The following CYP4F22 variants were observed in gnomAD, a reference collection of about 807,000 sequenced individuals.
The protein encoded by CYP4F22 is cytochrome P450 family 4 subfamily F member 22.
CYP4F22 carries 37 observed loss-of-function variants against 60.4 expected under a neutral mutation model. The ratio of observed to expected loss-of-function variants is 0.61; its 90% CI spans 0.47 to 0.81. The LOEUF is 0.81. CYP4F22 is among the 30% of genes least tolerant of loss of function. The pLI is 0.00. For missense variants in CYP4F22, 655 were observed against 715.0 expected, an observed-to-expected ratio of 0.92 and a Z score of 0.96; for synonymous variants, 258 against 280.5, an observed-to-expected ratio of 0.92 and a Z score of 0.80.
chr19:15,510,966 A>ATATATAT (rs34055543), intron 1 of CYP4F22, among the ~76,000 whole-genome samples: 7 of 103,336 alleles, frequency 6.8e-5, no homozygotes, highest in African/African-American at 1.8e-4. Flanking sequence ...ATATATATAT[A>ATATATAT]TTTTTTTTTT....
chr19:15,546,795 CTGGAGTACAG>C (rs1251018329), intron 10 of CYP4F22, among the ~76,000 whole-genome samples: 1 of 151,794 alleles, frequency 6.6e-6, no homozygotes, highest in Non-Finnish European at 1.5e-5. Flanking sequence ...GTGGCCCAGG[CTGGAGTACAG>C]TGGCATGATC....
In CYP4F22 at chr19:15,529,868, C is replaced by T; in HGVS notation, c.367+15C>T. 1 of 1,613,730 alleles carries T rather than the reference C, an allele frequency of 6.2e-7. No homozygotes were observed. The highest frequency in any genetic ancestry group is 8.5e-7 in the Non-Finnish European group (1 of 1,180,014). On this transcript the variant is annotated intron_variant, in intron 4 of 13. Transcript: ENST00000269703. ...GGGAGCCTCAGGTACGTGGGCTGGG[C>T]CTCCGATCTATGGTTGAGTCCTCAA...
At chr19:15,522,147 G>GAA (rs5827288) in intron 1 of CYP4F22, among the ~76,000 whole-genome samples, 14 of 82,866 alleles carry the variant, frequency 1.7e-4, no homozygotes, top group African/African-American at 3.8e-4. Context: ...CTTTGTCTCA[G>GAA]AAAAAAAAAA....
Position 15,551,235 on chromosome 19 carries a change from C to G in CYP4F22, c.1419-59C>G, listed in dbSNP as rs142624481. On this transcript the variant is annotated intron_variant, in intron 13 of 13. Coordinates refer to ENST00000269703, the MANE Select transcript of CYP4F22 (RefSeq NM_173483.4). ...TTCATTTTCAAAGGAGGCATGTGAC[C>G]CCCGGGGACCAGTGCTCACACAGAA... is the stretch of plus-strand genomic sequence containing the variant. 1.9e-3 allele frequency: 3,055 copies of G among 1,574,450 alleles called. 54 individuals are homozygous for G. The African/African-American group carries it at 0.037, about 19-fold the overall frequency.
chr19:15,526,104 G>T (rs1484423776), intron 3 of CYP4F22, among the ~76,000 whole-genome samples: 3 of 152,132 alleles, frequency 2.0e-5, no homozygotes, highest in African/African-American at 7.2e-5. Context: ...GTTTGAGGCT[G>T]CAGTGAGCTA....
intron 10 of CYP4F22, among the ~76,000 whole-genome samples, chr19:15,545,330 G>A (rs1209530491): frequency 1.3e-5 from 2 of 152,038 alleles, no homozygotes; most frequent in African/African-American, 4.8e-5. Context: ...GCTATGTAGA[G>A]CTGATTCTGG....
chr19:15,549,130 C>A lies in CYP4F22; in HGVS notation c.1271-8C>A. 1.9e-6 allele frequency: 3 copies of A among 1,614,014 alleles called. No individual in the cohort carries two copies. The highest frequency in any genetic ancestry group is 1.1e-5 in the South Asian group (1 of 91,086). ...CCTTGGCCCCACTGATCCCATCTTT[C>A]CCCACAGGAATCATCTGCTTGGTCA... On this transcript the variant is annotated splice_region_variant and splice_polypyrimidine_tract_variant and intron_variant, in intron 11 of 13. Transcript: ENST00000269703.
intron 1 of CYP4F22, among the ~76,000 whole-genome samples, chr19:15,509,890 TTCCTTCCTTCCTTC>T (rs1419433557): frequency 5.1e-5 from 6 of 117,988 alleles, no homozygotes; most frequent in African/African-American, 8.8e-5. Context: ...CCTTCCTTCC[TTCCTTCCTTCCTTC>T]CTTTCTTTCT....
rs185218314 is a variant in CYP4F22 at position 15,536,383 on chromosome 19, T to C, written c.368-978T>C. ...GTTATGTGGTGTTAGTTCTGTGACG[T>C]CGAATAGGGGGTGGAAGACAGAGGT... On this transcript the variant is annotated intron_variant, in intron 4 of 13. Transcript: ENST00000269703. Among the ~76,000 whole-genome samples, 25 of 152,088 alleles carry C rather than the reference T, an allele frequency of 1.6e-4. No homozygotes were observed. In the East Asian group the frequency reaches 4.8e-3, roughly 29 times the overall value.
chr19:15,544,390 T>C (rs1971499297), intron 10 of CYP4F22, 111 bp downstream of exon 10: 3 of 1,331,154 alleles, frequency 2.3e-6, no homozygotes, highest in Admixed American at 4.1e-5. Flanking sequence ...CCACTTTAGC[T>C]TCCTGAATTG....
chr19:15,550,705 ACC>A lies in CYP4F22; in HGVS notation c.1369_1370del (p.Pro457ThrfsTer122). On this transcript the variant is annotated frameshift_variant, in exon 13 of 14. Transcript: ENST00000269703. LOFTEE classifies it high-confidence loss of function. ...AACCCCTACCGCTTTGACCCGGACA[ACC>A]CACAGCAGCGCTCTCCACTGGCCTA... 1 of 1,614,064 alleles carries A rather than the reference ACC, an allele frequency of 6.2e-7. No individual in the cohort carries two copies. The highest frequency in any genetic ancestry group is 8.5e-7 in the Non-Finnish European group (1 of 1,179,998).
At chr19:15,543,821 C>T (rs536462368) in intron 8 of CYP4F22, 150 bp from the exon 9 acceptor site, 2 of 840,740 alleles carry the variant, frequency 2.4e-6, no homozygotes, top group African/African-American at 3.5e-5. Flanking sequence ...TGTGCCACCG[C>T]ACTCCAGCCT....
rs1487467933 is a variant in CYP4F22 at position 15,525,462 on chromosome 19, C to T, written c.126C>T (p.Phe42=). 2.5e-6 allele frequency: 4 copies of T among 1,614,020 alleles called. No individual in the cohort carries two copies. The African/African-American group carries it at 5.3e-5, about 22-fold the overall frequency. ...TCCTGTTCCGCCTGCTGCTGCGGTT[C>T]CTGAGGCTCTGCAGGAGCTTCTACA... ...LFFLFRLLLR[F]LRLCRSFYIT... is the part of the protein sequence containing the mutation. Residue 42 remains phenylalanine, a synonymous_variant, in exon 3 of 14, where the codon TTC becomes TTT. Transcript: ENST00000269703.
At chr19:15,550,953 G>C (rs1971588019) in intron 13 of CYP4F22, among the ~76,000 whole-genome samples, 197 bp downstream of exon 13, 1 of 152,060 alleles carries the variant, frequency 6.6e-6, no homozygotes. Flanking sequence ...GAGCACCAAC[G>C]GTGTGTCAGG....
Position 15,548,010 on chromosome 19 carries a change from T to A in CYP4F22, c.1137-98T>A, listed in dbSNP as rs1439470907. 2.3e-3 allele frequency: 1,257 copies of A among 546,986 alleles called. 36 individuals carry two copies. Among genetic ancestry groups the A allele is most frequent in the East Asian group, 0.011 (303 of 28,136 alleles). The allele number at this position is 546,986 out of a possible 1,614,324, so 33.9% of individuals were successfully genotyped here. On this transcript the variant is annotated intron_variant, in intron 10 of 13. Transcript: ENST00000269703. ...GAGAGAGAGAGGGAGAGAGTGTGTG[T>A]GTGTGTGTGTGTGTGTGTGTGTGTG...
chr19:15,542,886 G>C (rs1971480052), intron 8 of CYP4F22, among the ~76,000 whole-genome samples: 1 of 152,018 alleles, frequency 6.6e-6, no homozygotes, highest in Admixed American at 6.6e-5. Flanking sequence ...ACATAATCTT[G>C]TTCCTTTTTA....
At chr19:15,541,304 A>C (rs1024512929) in intron 8 of CYP4F22, among the ~76,000 whole-genome samples, 2 of 152,196 alleles carry the variant, frequency 1.3e-5, no homozygotes, top group Non-Finnish European at 2.9e-5. Flanking sequence ...TCTAAGGCCC[A>C]TGAAGGATGA....
intron 11 of CYP4F22, 32 bp downstream of exon 11, chr19:15,548,273 A>G: frequency 6.2e-7 from 1 of 1,613,152 alleles, no homozygotes; most frequent in Non-Finnish European, 8.5e-7. Flanking sequence ...CTGCTGGTGC[A>G]CTGCCTCCAA....
Position 15,529,993 on chromosome 19 carries a change from C to T in CYP4F22, c.367+140C>T, listed in dbSNP as rs189896854. ...ATGAATAAGAGTTTGGCAAAGCAAG[C>T]ATGGCAATCCAGATTGTGAGAACAG... On this transcript the variant is annotated intron_variant, in intron 4 of 13. Transcript: ENST00000269703. The T allele has an allele frequency of 2.0e-5, 24 of 1,195,190 alleles. No individual in the cohort carries two copies. The East Asian group carries it at 5.5e-4, about 27-fold the overall frequency. 74.0% of individuals were successfully genotyped at this position (1,195,190 alleles called of 1,614,324 possible). A position where few individuals can be genotyped will look rare whatever the true frequency, so the allele number is the denominator to read the frequency against.
Sources: allele counts gnomAD v4.1 joint callset (sites outside exome capture counted in the v4.1 genomes callset), GRCh38; gene constraint gnomAD v4.1.1; transcripts MANE v1.5; gene names NCBI Gene and HGNC (gene_info 2026-07-23, HGNC 2026-07-21).